DHRSX: variants seen among roughly 807,000 people sequenced by gnomAD.
The protein encoded by DHRSX is polyprenol dehydrogenase.
DHRSX carries 31 observed loss-of-function variants against 34.0 expected under a neutral mutation model. The ratio of observed to expected loss-of-function variants is 0.91; its 90% CI spans 0.69 to 1.23. The LOEUF is 1.23. DHRSX is among the 50% of genes most tolerant of loss of function. The pLI is 0.00. For synonymous variants in DHRSX, 201 were observed against 183.8 expected (o/e 1.09, Z -0.76); for missense variants, 414 against 428.1 (o/e 0.97, Z 0.29).
At chrX:2,322,312 G>T (rs192519482) in intron 3 of DHRSX, among the ~76,000 whole-genome samples, 1 of 152,030 alleles carries the variant, frequency 6.6e-6, no homozygotes, top group Admixed American at 6.6e-5. Context: ...ACTTTGGGAC[G>T]CCAAGGCGGG....
intron 3 of DHRSX, among the ~76,000 whole-genome samples, chrX:2,400,027 C>T (rs760453561): frequency 6.6e-6 from 1 of 152,248 alleles, no homozygotes; most frequent in African/African-American, 2.4e-5. Flanking sequence ...CAGAGCAAGA[C>T]CTTGTCTCCA....
At chrX:2,326,005 A>C (rs1334421396) in intron 3 of DHRSX, among the ~76,000 whole-genome samples, 1 of 152,142 alleles carries the variant, frequency 6.6e-6, no homozygotes, top group Non-Finnish European at 1.5e-5. Flanking sequence ...TTTAATTCCT[A>C]TCCTCACAAT....
At chrX:2,345,370 C>T (rs1425455347) in intron 3 of DHRSX, among the ~76,000 whole-genome samples, 2 of 150,984 alleles carry the variant, frequency 1.3e-5, no homozygotes, top group African/African-American at 4.9e-5. Context: ...GGGCTGGGTG[C>T]AGTGGCTCAC....
chrX:2,463,147 A>G (rs1353813139), intron 1 of DHRSX, among the ~76,000 whole-genome samples: 2 of 152,176 alleles, frequency 1.3e-5, no homozygotes, highest in Non-Finnish European at 2.9e-5. Flanking sequence ...TGTGAGTGAT[A>G]AATGTCTCTA....
rs755071234 is a variant in DHRSX at position 2,293,957 on chromosome X, C to T, written c.287-2354G>A. On this transcript the variant is annotated intron_variant, in intron 3 of 6. Coordinates refer to ENST00000334651, the MANE Select transcript of DHRSX (RefSeq NM_145177.3). ...CCAAAACTATTACTGGAATGCTCAT[C>T]ATCATTCCAAAACGAAATGACTCTC... Among the ~76,000 whole-genome samples the T allele has an allele frequency of 7.2e-5, 11 of 152,032 alleles. No homozygotes were observed. In the South Asian group the frequency reaches 2.1e-3, roughly 29 times the overall value.
intron 3 of DHRSX, among the ~76,000 whole-genome samples, chrX:2,357,616 G>C (rs766579854): frequency 6.6e-6 from 1 of 150,710 alleles, no homozygotes; most frequent in South Asian, 2.1e-4. Flanking sequence ...ACAGAGTCCT[G>C]AATGACAAAG....
chrX:2,304,168 A>G lies in DHRSX; in HGVS notation c.287-12565T>C, dbSNP rs865919559. Among the ~76,000 whole-genome samples the G allele has an allele frequency of 7.5e-3, 248 of 33,110 alleles. 2 individuals carry two copies. The highest frequency in any genetic ancestry group is 0.023 in the Middle Eastern group (1 of 44). 21.7% of individuals were successfully genotyped at this position (33,110 alleles called of 152,430 possible). On this transcript the variant is annotated intron_variant, in intron 3 of 6. Coordinates refer to ENST00000334651, the MANE Select transcript of DHRSX (RefSeq NM_145177.3). ...GGATGGATGGATGGATGGATGGATG[A>G]ACTGATGGATGGATGGATGGATGGA...
At chrX:2,247,813 T>A (rs1303742458) in intron 5 of DHRSX, among the ~76,000 whole-genome samples, 1 of 152,112 alleles carries the variant, frequency 6.6e-6, no homozygotes, top group African/African-American at 2.4e-5. Context: ...AAGCAAACCT[T>A]TCTTGCTGAC....
In DHRSX at chrX:2,406,688, G is replaced by A. The variant is rs182155276; in HGVS notation, c.286+2057C>T. ...ACTCCTGACCTCAGGTGATCCACCC[G>A]CCTCGGCCTCCCAAAGTGCTGGGAT... On this transcript the variant is annotated intron_variant, in intron 3 of 6. Transcript: ENST00000334651. 7.1e-3 allele frequency among the ~76,000 whole-genome samples: 1,075 copies of A among 152,146 alleles called. 8 individuals are homozygous for A. The highest frequency in any genetic ancestry group is 0.024 in the African/African-American group (1,009 of 41,502).
At chrX:2,464,114 A>T (rs1394603680) in intron 1 of DHRSX, among the ~76,000 whole-genome samples, 1 of 152,026 alleles carries the variant, frequency 6.6e-6, no homozygotes, top group Non-Finnish European at 1.5e-5. Context: ...GTACGTGGCT[A>T]AGGGACGGCC....
intron 3 of DHRSX, among the ~76,000 whole-genome samples, chrX:2,360,063 T>A (rs1164887862): frequency 6.6e-6 from 1 of 152,116 alleles, no homozygotes; most frequent in Non-Finnish European, 1.5e-5. Flanking sequence ...TCCCTGAACT[T>A]AAAAATGGTT....
chrX:2,443,889 C>T (rs1266761084), intron 1 of DHRSX, among the ~76,000 whole-genome samples: 2 of 152,028 alleles, frequency 1.3e-5, no homozygotes, highest in Non-Finnish European at 2.9e-5. Flanking sequence ...GCCTGTAGTC[C>T]CAGCTACTCG....
At chrX:2,328,068 AG>A (rs2042409431) in intron 3 of DHRSX, among the ~76,000 whole-genome samples, 1 of 86,174 alleles carries the variant, frequency 1.2e-5, no homozygotes, top group Admixed American at 1.3e-4. Context: ...CGACAGAGCG[AG>A]ACTCCGTCTC....
chrX:2,271,627 G>A (rs2041556173), intron 4 of DHRSX, among the ~76,000 whole-genome samples: 1 of 152,056 alleles, frequency 6.6e-6, no homozygotes, highest in Non-Finnish European at 1.5e-5. Flanking sequence ...ATCAATCAGG[G>A]TCCAGTATCA....
At chrX:2,298,467 G>C (rs1044273623) in intron 3 of DHRSX, among the ~76,000 whole-genome samples, 23 of 151,148 alleles carry the variant, frequency 1.5e-4, no homozygotes, top group African/African-American at 5.6e-4. Flanking sequence ...ACCAGAAAAG[G>C]AAGTTTCTGT....
At chrX:2,490,032 A>T (rs1230503348) in intron 1 of DHRSX, 7 of 1,613,802 alleles carry the variant, frequency 4.3e-6, no homozygotes, top group Non-Finnish European at 5.9e-6. Flanking sequence ...AGGCAGCGGG[A>T]GCCCATGGAC....
intron 3 of DHRSX, among the ~76,000 whole-genome samples, chrX:2,321,010 A>G (rs755407249): frequency 8.5e-5 from 13 of 152,142 alleles, no homozygotes; most frequent in African/African-American, 3.1e-4. Flanking sequence ...AGCAGCAGAG[A>G]TTTGCAAACA....
intron 1 of DHRSX, among the ~76,000 whole-genome samples, chrX:2,468,846 G>A (rs766305390): frequency 1.6e-4 from 25 of 151,712 alleles, no homozygotes; most frequent in African/African-American, 5.3e-4. Flanking sequence ...CCCTAAGCTT[G>A]TGGCTAAGGG....
intron 4 of DHRSX, among the ~76,000 whole-genome samples, chrX:2,268,656 G>T (rs1459033282): frequency 6.6e-6 from 1 of 152,156 alleles, no homozygotes; most frequent in Non-Finnish European, 1.5e-5. Context: ...GCATGAGTTT[G>T]CATGTGTACA....
Sources: gnomAD v4.1 joint callset for allele counts (sites outside exome capture counted in the v4.1 genomes callset) on GRCh38, gnomAD v4.1.1 for gene constraint, MANE v1.5 for transcripts, NCBI Gene and HGNC (gene_info 2026-07-23, HGNC 2026-07-21) for gene names.